The following USP8 variants were observed in gnomAD, a reference collection of about 807,000 sequenced individuals.
USP8 encodes the protein ubiquitin specific peptidase 8, also known as ubiquitin carboxyl-terminal hydrolase 8.
In USP8, 27 loss-of-function variants were observed where a neutral mutation model predicts 130.0. The ratio of observed to expected loss-of-function variants is 0.21; its 90% CI spans 0.15 to 0.29. The LOEUF (loss-of-function observed/expected upper bound fraction) is 0.29. Among genes scored for constraint, USP8 ranks in the 10% least tolerant of loss-of-function variants. The probability of loss-of-function intolerance (pLI) is 1.00; values close to 1 mark genes in which losing one functional copy is unlikely to be tolerated. For synonymous variants in USP8, 392 were observed against 444.1 expected, an observed-to-expected ratio of 0.88 and a Z score of 1.48; for missense variants, 1,029 against 1,312.2, an observed-to-expected ratio of 0.78 and a Z score of 3.33.
At position 50,428,133 on chromosome 15, in the gene USP8, T is replaced by C. The variant is rs998913107; in HGVS notation, c.-66+3619T>C. 3.9e-5 allele frequency among the ~76,000 whole-genome samples: 6 copies of C among 151,956 alleles called. No homozygotes were observed. The East Asian group carries it at 9.7e-4, about 25-fold the overall frequency. ...CAATTTAGTTTTTTGTTTGTTTGTT[T>C]TTGAGAGGGAGTCTTGCTCTGTCAC... On this transcript the variant is annotated intron_variant, in intron 1 of 19. Coordinates refer to ENST00000307179, the MANE Select transcript of USP8 (RefSeq NM_005154.5).
At chr15:50,498,569 GTGTAAT>G in intron 18 of USP8, 21 bp from the exon 19 acceptor site, 1 of 1,587,008 alleles carries the variant, frequency 6.3e-7, no homozygotes, top group Non-Finnish European at 8.6e-7. Context: ...TCCTCTGTCA[GTGTAAT>G]TGTAATGTTT....
At chr15:50,482,858 T>C (rs1022104830) in intron 11 of USP8, among the ~76,000 whole-genome samples, 7 of 152,206 alleles carry the variant, frequency 4.6e-5, no homozygotes, top group Non-Finnish European at 1.0e-4. Context: ...AGAATGTCAA[T>C]TTCTATACTT....
Position 50,505,604 on chromosome 15 carries a change from A to C in USP8, c.*6516A>C, listed in dbSNP as rs1055897708. 1 of 152,226 alleles carries C rather than the reference A, an allele frequency of 6.6e-6. No individual in the cohort carries two copies. The highest frequency in any genetic ancestry group is 2.4e-5 in the African/African-American group (1 of 41,468). 9.4% of individuals were successfully genotyped at this position (152,226 alleles called of 1,614,324 possible). A position where few individuals can be genotyped will look rare whatever the true frequency, so the allele number is the denominator to read the frequency against. On this transcript the variant is annotated 3_prime_UTR_variant, in exon 20 of 20. Coordinates refer to ENST00000307179, the MANE Select transcript of USP8 (RefSeq NM_005154.5). ...AAAAAGACTGATGAAGATCCGGGCA[A>C]ATATAACCCAATATGAACAGTAGAA... is the stretch of plus-strand genomic sequence containing the variant.
intron 3 of USP8, among the ~76,000 whole-genome samples, chr15:50,446,314 G>A (rs932587285): frequency 1.3e-5 from 2 of 152,142 alleles, no homozygotes; most frequent in African/African-American, 4.8e-5. Flanking sequence ...ATAATTGACA[G>A]GAAATCTCAC....
At chr15:50,443,552 C>G (rs1174048603) in intron 3 of USP8, among the ~76,000 whole-genome samples, 4 of 151,944 alleles carry the variant, frequency 2.6e-5, no homozygotes, top group Non-Finnish European at 5.9e-5. Context: ...AGCTCAATCT[C>G]GGCTCACTGC....
chr15:50,500,341 A>C lies in USP8; in HGVS notation c.*1253A>C, dbSNP rs2141335479. On this transcript the variant is annotated 3_prime_UTR_variant, in exon 20 of 20. Transcript: ENST00000307179. ...AGTATCTTTGGAAAATAATTTGTTG[A>C]ATATATATGATTATGAGATATTTTC... 6.4e-6 allele frequency: 1 copy of C among 155,192 alleles called. No individual in the cohort carries two copies. Among genetic ancestry groups the C allele is most frequent in the African/African-American group, 2.4e-5 (1 of 41,442 alleles). 9.6% of individuals were successfully genotyped at this position (155,192 alleles called of 1,614,324 possible). A position where few individuals can be genotyped will look rare whatever the true frequency, so the allele number is the denominator to read the frequency against.
intron 8 of USP8, among the ~76,000 whole-genome samples, chr15:50,476,554 A>G (rs2051573788): frequency 6.6e-6 from 1 of 152,146 alleles, no homozygotes; most frequent in Non-Finnish European, 1.5e-5. Flanking sequence ...ATAAGAGTAA[A>G]CTCCAGAATG....
intron 11 of USP8, among the ~76,000 whole-genome samples, 176 bp downstream of exon 11, chr15:50,482,241 A>G (rs139579908): frequency 3.0e-3 from 460 of 152,360 alleles, no homozygotes; most frequent in Non-Finnish European, 5.7e-3. Flanking sequence ...CCAGTGCCAT[A>G]CATTTATGAA....
chr15:50,440,577 G>A (rs2050223051), intron 2 of USP8, among the ~76,000 whole-genome samples: 1 of 152,124 alleles, frequency 6.6e-6, no homozygotes. Context: ...AATGTATAAT[G>A]AAATTATTAT....
chr15:50,439,721 C>T (rs1350397991), intron 2 of USP8, among the ~76,000 whole-genome samples: 1 of 150,974 alleles, frequency 6.6e-6, no homozygotes, highest in East Asian at 1.9e-4. Context: ...ACCCGGGAGG[C>T]GGAGGTTTCG....
In USP8 at chr15:50,501,409, G is replaced by GGCTGCAATGAGCCGTGATTGTACC. The variant is rs2052585746; in HGVS notation, c.*2322_*2345dup. On this transcript the variant is annotated 3_prime_UTR_variant, in exon 20 of 20. Transcript: ENST00000307179. ...GGATCTCTCGAGCCTGAGAGGTCGA[G>GGCTGCAATGAGCCGTGATTGTACC]GCTGCAATGAGCCGTGATTGTACCA... 6.6e-6 allele frequency: 1 copy of GGCTGCAATGAGCCGTGATTGTACC among 152,280 alleles called. No homozygotes were observed. The highest frequency in any genetic ancestry group is 2.4e-5 in the African/African-American group (1 of 41,350). 9.4% of individuals were successfully genotyped at this position (152,280 alleles called of 1,614,324 possible).
intron 3 of USP8, among the ~76,000 whole-genome samples, chr15:50,445,770 T>C (rs1226669159): frequency 1.3e-5 from 2 of 150,634 alleles, no homozygotes; most frequent in African/African-American, 4.9e-5. Context: ...GGCAGGCGAA[T>C]TGCTTGAACC....
intron 10 of USP8, among the ~76,000 whole-genome samples, chr15:50,478,480 A>G (rs546852170): frequency 8.5e-5 from 13 of 152,264 alleles, no homozygotes; most frequent in African/African-American, 3.1e-4. Flanking sequence ...TGGAGCAGGT[A>G]TTGAATAGAA....
chr15:50,490,237 G>GT (rs368317483), intron 13 of USP8, 26 bp from the exon 14 acceptor site: 63,032 of 931,132 alleles, frequency 0.068, no homozygotes, highest in South Asian at 0.11. Context: ...TTTTTGACCT[G>GT]TTTTTTTTTT....
chr15:50,486,117 T>C (rs2051952607), intron 12 of USP8, among the ~76,000 whole-genome samples: 1 of 152,130 alleles, frequency 6.6e-6, no homozygotes, highest in South Asian at 2.1e-4. Context: ...GTTAGGTCAT[T>C]CTGCTGTATT....
In USP8 at chr15:50,482,030, C is replaced by A; in HGVS notation, c.1768C>A (p.His590Asn). ...IQKKSTGDVP[H>N]TSVTGDSGSG... ...GAAAAAGTCAACAGGAGATGTGCCC[C>A]ATACATCTGTGACAGGGGATTCAGG... The change falls in exon 11 of 20, where the codon CAT becomes AAT. Residue 590 changes from histidine (H) to asparagine (N), a missense_variant. Physicochemically the swap from His to Asn is moderately conservative, Grantham distance 68. Around this residue, in one of 4 missense-constraint regions of USP8, gnomAD observed 486 missense variants for 522.0 expected, o/e 0.93. Coordinates refer to ENST00000307179, the MANE Select transcript of USP8 (RefSeq NM_005154.5). 6.5e-7 allele frequency: 1 copy of A among 1,536,848 alleles called. No individual in the cohort carries two copies. The highest frequency in any genetic ancestry group is 8.7e-7 in the Non-Finnish European group (1 of 1,149,032).
intron 7 of USP8, among the ~76,000 whole-genome samples, chr15:50,465,828 A>G (rs1469437605): frequency 1.3e-5 from 2 of 152,188 alleles, no homozygotes; most frequent in Admixed American, 6.5e-5. Flanking sequence ...GTCACTTACT[A>G]GTTGCATTAT....
At chr15:50,485,159 T>C (rs2051911083) in intron 12 of USP8, among the ~76,000 whole-genome samples, 1 of 152,144 alleles carries the variant, frequency 6.6e-6, no homozygotes, top group African/African-American at 2.4e-5. Flanking sequence ...TTTAAATACA[T>C]AGGCTTTGTA....
At chr15:50,471,840 C>T in intron 8 of USP8, 45 bp downstream of exon 8, 6 of 1,596,430 alleles carry the variant, frequency 3.8e-6, no homozygotes, top group Non-Finnish European at 5.1e-6. Flanking sequence ...CAGGGCATCT[C>T]TGGTTGTTAG....
Sources: gnomAD v4.1 joint callset for allele counts (sites outside exome capture counted in the v4.1 genomes callset) on GRCh38, gnomAD v4.1.1 for gene constraint, gnomAD v4.1.1 regional missense constraint, MANE v1.5 for transcripts, NCBI Gene and HGNC (gene_info 2026-07-23, HGNC 2026-07-21) for gene names.